The following FGD5 variants were observed in gnomAD, a reference collection of about 807,000 sequenced individuals.
FGD5 encodes the protein FYVE, RhoGEF and PH domain-containing protein 5.
Under a neutral mutation model 133.4 loss-of-function variants are expected in FGD5, and 28 were observed. The observed-to-expected ratio is 0.21, with a 90% CI of 0.16 to 0.29. FGD5 has a LOEUF of 0.29. FGD5 is among the 10% of genes least tolerant of loss of function. The pLI is 1.00. For missense variants in FGD5, 1,858 were observed against 1,895.2 expected (o/e 0.98, Z 0.36); for synonymous variants, 810 against 776.5 (o/e 1.04, Z -0.72).
intron 12 of FGD5, 54 bp from the exon 13 acceptor site, chr3:14,918,700 C>T: frequency 6.4e-7 from 1 of 1,570,764 alleles, no homozygotes; most frequent in Non-Finnish European, 8.8e-7. Flanking sequence ...AGAAGCCGGT[C>T]TACACTTGCC....
chr3:14,836,835 G>T (rs915335201), intron 1 of FGD5, among the ~76,000 whole-genome samples: 4 of 152,214 alleles, frequency 2.6e-5, no homozygotes. Context: ...GAGCAGCCAC[G>T]TGCTTTGAAG....
intron 1 of FGD5, among the ~76,000 whole-genome samples, chr3:14,841,055 G>C (rs1333970983): frequency 2.0e-5 from 3 of 152,212 alleles, no homozygotes; most frequent in Non-Finnish European, 2.9e-5. Flanking sequence ...GATGTATTTA[G>C]AGTGCTTCTG....
At chr3:14,865,092 C>T (rs1028622852) in intron 2 of FGD5, among the ~76,000 whole-genome samples, 5 of 152,170 alleles carry the variant, frequency 3.3e-5, no homozygotes, top group Non-Finnish European at 7.4e-5. Context: ...GGGAAATGGG[C>T]TAGGAAGGGT....
chr3:14,869,377 G>T (rs1001255892), intron 2 of FGD5, among the ~76,000 whole-genome samples: 1 of 152,112 alleles, frequency 6.6e-6, no homozygotes, highest in African/African-American at 2.4e-5. Context: ...GGGATTGGGG[G>T]TGGGGGCATC....
chr3:14,926,676 CT>C (rs533535759), intron 18 of FGD5, among the ~76,000 whole-genome samples: 85 of 152,182 alleles, frequency 5.6e-4, no homozygotes, highest in Non-Finnish European at 8.8e-4. Context: ...GAATATCTTA[CT>C]TTAGGTGAGA....
intron 9 of FGD5, among the ~76,000 whole-genome samples, chr3:14,905,526 T>C (rs1377196517): frequency 6.6e-6 from 1 of 152,238 alleles, no homozygotes; most frequent in African/African-American, 2.4e-5. Context: ...TTCAAGCTCA[T>C]GGAGTCTTTC....
chr3:14,832,192 G>A (rs1475227768), intron 1 of FGD5, among the ~76,000 whole-genome samples: 2 of 152,208 alleles, frequency 1.3e-5, no homozygotes, highest in Admixed American at 6.5e-5. Flanking sequence ...CACCAGGGCT[G>A]AGTCAGGTCT....
At position 14,922,110 on chromosome 3, in the gene FGD5, C is replaced by T. The variant is rs892144980; in HGVS notation, c.3669+93C>T. 2.0e-5 allele frequency: 26 copies of T among 1,300,352 alleles called. No homozygotes were observed. Among genetic ancestry groups the T allele is most frequent in the Admixed American group, 4.0e-5 (2 of 50,344 alleles). The allele number at this position is 1,300,352 out of a possible 1,614,324, so 80.6% of individuals were successfully genotyped here. On this transcript the variant is annotated intron_variant, in intron 14 of 19. Transcript: ENST00000285046. The surrounding 1 kb of genome is among the most constrained non-coding windows in gnomAD (Gnocchi z 4.1). Reference sequence around the variant, plus strand: ...CTGTTGCCACTCACACCCAGATGGACGTGTAGCTCCTGTCTTGGGGCACTG... The same window carrying T: ...CTGTTGCCACTCACACCCAGATGGATGTGTAGCTCCTGTCTTGGGGCACTG...
chr3:14,864,852 T>C (rs1009993537), intron 2 of FGD5, among the ~76,000 whole-genome samples: 2 of 152,112 alleles, frequency 1.3e-5, no homozygotes, highest in Non-Finnish European at 2.9e-5. Context: ...ATATACACTC[T>C]CTATTGGACA....
intron 2 of FGD5, among the ~76,000 whole-genome samples, chr3:14,865,062 C>G (rs533586419): frequency 6.6e-6 from 1 of 152,132 alleles, no homozygotes; most frequent in Non-Finnish European, 1.5e-5. Context: ...ATTTGTTCTG[C>G]GGGGGACACA....
chr3:14,853,723 AC>A (rs1697054865), intron 1 of FGD5, among the ~76,000 whole-genome samples: 1 of 137,470 alleles, frequency 7.3e-6, no homozygotes, highest in Non-Finnish European at 1.5e-5. Context: ...AACCAGCGTT[AC>A]ATAGGACGGA....
In FGD5 at chr3:14,924,213, C is replaced by T; in HGVS notation, c.4068+75C>T. On this transcript the variant is annotated intron_variant, in intron 17 of 19. Transcript: ENST00000285046. ...CATGGTCATCCTGGGTAGACGGAGT[C>T]AGACCCTGCCCTGTCCCAGCCTGAC... 12 of 1,604,514 alleles carry T rather than the reference C, an allele frequency of 7.5e-6. No homozygotes were observed. In the South Asian group the frequency reaches 1.3e-4, roughly 18 times the overall value.
At chr3:14,880,338 A>AGCAT (rs2037801203) in intron 2 of FGD5, among the ~76,000 whole-genome samples, 1 of 152,358 alleles carries the variant, frequency 6.6e-6, no homozygotes, top group East Asian at 1.9e-4. Flanking sequence ...TGGGTGATAG[A>AGCAT]GCATGACCTT....
chr3:14,896,556 T>G (rs945471789), intron 4 of FGD5, among the ~76,000 whole-genome samples: 1 of 152,044 alleles, frequency 6.6e-6, no homozygotes, highest in Non-Finnish European at 1.5e-5. Flanking sequence ...CTGCACCCTC[T>G]GCCTCCTGGG....
At position 14,922,319 on chromosome 3, in the gene FGD5, G is replaced by T; in HGVS notation, c.3670-92G>T. ...CACTCACCCACACATCACACACCCT[G>T]CACAGAGACGCAGGGCAGGGCTCAC... On this transcript the variant is annotated intron_variant, in intron 14 of 19. Transcript: ENST00000285046. The surrounding 1 kb of genome is among the most constrained non-coding windows in gnomAD (Gnocchi z 4.1). 1.3e-6 allele frequency: 2 copies of T among 1,513,818 alleles called. No homozygotes were observed. The highest frequency in any genetic ancestry group is 1.8e-6 in the Non-Finnish European group (2 of 1,121,726). The allele number at this position is 1,513,818 out of a possible 1,614,324, so 93.8% of individuals were successfully genotyped here.
intron 1 of FGD5, among the ~76,000 whole-genome samples, chr3:14,854,389 TTTTA>T (rs71268415): frequency 0.035 from 4,878 of 137,516 alleles, 155 homozygotes; most frequent in African/African-American, 0.082. Context: ...TTTCTTTTCT[TTTTA>T]TTTATTTATT....
intron 1 of FGD5, among the ~76,000 whole-genome samples, chr3:14,824,475 G>C (rs900248245): frequency 2.0e-5 from 3 of 152,178 alleles, no homozygotes; most frequent in African/African-American, 7.2e-5. Context: ...ATAGTGTGAG[G>C]ATTAGAGGCA....
At chr3:14,909,295 C>G (rs781385585) in intron 10 of FGD5, among the ~76,000 whole-genome samples, 33 of 152,262 alleles carry the variant, frequency 2.2e-4, no homozygotes, top group Non-Finnish European at 2.8e-4. Flanking sequence ...CACAAAAACA[C>G]AACAGAATAC....
chr3:14,822,414 T>C (rs2036522097), intron 1 of FGD5, among the ~76,000 whole-genome samples: 2 of 152,168 alleles, frequency 1.3e-5, no homozygotes, highest in Non-Finnish European at 2.9e-5. Flanking sequence ...AAAGACTATT[T>C]AAATTGTTTA....
Sources: allele counts gnomAD v4.1 joint callset (sites outside exome capture counted in the v4.1 genomes callset), GRCh38; gene constraint gnomAD v4.1.1; non-coding constraint Gnocchi (gnomAD v3.1); transcripts MANE v1.5; gene names NCBI Gene and HGNC (gene_info 2026-07-23, HGNC 2026-07-21).